OAS1: variants seen among roughly 807,000 people sequenced by gnomAD.
The protein encoded by OAS1 is 2'-5'-oligoadenylate synthase 1.
In OAS1, 24 loss-of-function variants were observed where a neutral mutation model predicts 38.5. That is an observed-to-expected ratio of 0.62 (90% CI 0.45 to 0.88). The LOEUF (loss-of-function observed/expected upper bound fraction) is 0.88. Ranked by LOEUF, OAS1 falls within the 40% of genes least tolerant of loss-of-function variation. OAS1 has a pLI of 0.00. For synonymous variants in OAS1, 169 were observed against 193.9 expected, an observed-to-expected ratio of 0.87 and a Z score of 1.07; for missense variants, 482 against 493.9, an observed-to-expected ratio of 0.98 and a Z score of 0.23.
chr12:112,915,560 C>A (rs891521302), intron 3 of OAS1, among the ~76,000 whole-genome samples: 2 of 152,108 alleles, frequency 1.3e-5, no homozygotes, highest in Non-Finnish European at 2.9e-5. Flanking sequence ...TGTAATGCCT[C>A]CAGATTTGTT....
At chr12:112,927,628 A>G (rs922995877) in intron 6 of OAS1, among the ~76,000 whole-genome samples, 5 of 152,218 alleles carry the variant, frequency 3.3e-5, no homozygotes, top group Non-Finnish European at 7.3e-5. Context: ...CAGCAGGACT[A>G]CTATGATCTT....
intron 6 of OAS1, among the ~76,000 whole-genome samples, chr12:112,926,346 A>G (rs2043557824): frequency 6.6e-6 from 1 of 152,218 alleles, no homozygotes; most frequent in Non-Finnish European, 1.5e-5. Context: ...ATGATGCTTG[A>G]ATATCATACT....
In OAS1 at chr12:112,919,876, A is replaced by G. The variant is rs1303085963; in HGVS notation, c.*323A>G. ...GGAGGGTAATGTCTAATGTATTATC[A>G]ATAACAATAAAAATAAAGCAAATAC... On this transcript the variant is annotated 3_prime_UTR_variant, in exon 6 of 6. Transcript: ENST00000202917. 2 of 778,536 alleles carry G rather than the reference A, an allele frequency of 2.6e-6. No individual in the cohort carries two copies. The highest frequency in any genetic ancestry group is 3.9e-6 in the Non-Finnish European group (2 of 510,690). The allele number at this position is 778,536 out of a possible 1,614,324, so 48.2% of individuals were successfully genotyped here.
At chr12:112,910,971 C>G (rs1456055337) in intron 2 of OAS1, 80 bp from the exon 3 acceptor site, 1 of 1,347,474 alleles carries the variant, frequency 7.4e-7, no homozygotes, top group African/African-American at 1.4e-5. Context: ...ACCCCATGGC[C>G]AGGGAGATTG....
At position 112,916,695 on chromosome 12, in the gene OAS1, C is replaced by T; in HGVS notation, c.841C>T (p.Pro281Ser). 2 of 1,614,070 alleles carry T rather than the reference C, an allele frequency of 1.2e-6. No homozygotes were observed. Residue 281 changes from proline (P) to serine (S), a missense_variant, in exon 4 of 6, where the codon CCC becomes TCC. Coordinates refer to ENST00000202917, the MANE Select transcript of OAS1 (RefSeq NM_016816.4). ...YWTKYYDFKN[P>S]IIEKYLRRQL... is the part of the protein sequence containing the mutation. ...GACAAAGTATTATGACTTTAAAAAC[C>T]CCATTATTGAAAAGTACCTGAGAAG...
rs372338270 is a variant in OAS1, at chr12:112,916,478, A to AT, written c.655-24dup. The AT allele has an allele frequency of 2.0e-4, 313 of 1,595,898 alleles. No individual in the cohort carries two copies. In the African/African-American group the frequency reaches 3.1e-3, roughly 16 times the overall value. On this transcript the variant is annotated intron_variant, in intron 3 of 5. Coordinates refer to ENST00000202917, the MANE Select transcript of OAS1 (RefSeq NM_016816.4). The stretch of plus-strand genomic sequence containing the variant: ...GTTTACACAAAAGTTGAGCAAACCA[A>AT]TTTTTTTCTGATTGTTTTTCCTCTT...
intron 2 of OAS1, chr12:112,909,032 A>T (rs2043340881): frequency 4.1e-6 from 2 of 490,806 alleles, no homozygotes; most frequent in African/African-American, 2.0e-5. Flanking sequence ...GGGGACAAAG[A>T]CATTTCTTAC....
chr12:112,926,734 A>G (rs893487262), intron 6 of OAS1, among the ~76,000 whole-genome samples: 3 of 152,194 alleles, frequency 2.0e-5, no homozygotes, highest in Non-Finnish European at 4.4e-5. Context: ...ACATCTTAAC[A>G]GTGTTCAAGA....
rs763527906 is a variant in OAS1, at chr12:112,916,753, C to T, written c.884+15C>T. The T allele has an allele frequency of 1.3e-6, 2 of 1,573,790 alleles. No individual in the cohort carries two copies. Among genetic ancestry groups the T allele is most frequent in the East Asian group, 2.2e-5 (1 of 44,722 alleles). On this transcript the variant is annotated intron_variant, in intron 4 of 5. Coordinates refer to ENST00000202917, the MANE Select transcript of OAS1 (RefSeq NM_016816.4). ...ACGAAACCCAGGTATGCTATCCCCACATGGCTTAGCTCCCCTATGTAAATG... is the reference window on the plus strand; with the variant it reads ...ACGAAACCCAGGTATGCTATCCCCATATGGCTTAGCTCCCCTATGTAAATG...
intron 3 of OAS1, among the ~76,000 whole-genome samples, chr12:112,911,928 T>C (rs576667180): frequency 2.0e-5 from 3 of 152,360 alleles, no homozygotes; most frequent in African/African-American, 7.2e-5. Context: ...AGTGATTCTG[T>C]AAGTTAGATA....
downstream of OAS1, among the ~76,000 whole-genome samples, chr12:112,920,641 A>G (rs755756919): frequency 6.6e-6 from 1 of 152,224 alleles, no homozygotes; most frequent in Non-Finnish European, 1.5e-5. Context: ...CCACATTGTC[A>G]CACTGTCCTT....
intron 4 of OAS1, 39 bp from the exon 5 acceptor site, chr12:112,917,508 C>G (rs1452338420): frequency 6.2e-7 from 1 of 1,612,160 alleles, no homozygotes; most frequent in Admixed American, 1.7e-5. Context: ...GACAGAGCCC[C>G]AGCTTCTCAC....
intron 2 of OAS1, among the ~76,000 whole-genome samples, chr12:112,910,532 G>A (rs562678473): frequency 3.3e-5 from 5 of 152,068 alleles, no homozygotes; most frequent in Non-Finnish European, 7.4e-5. Flanking sequence ...GTGAGCCTTG[G>A]GGAGATCTGG....
chr12:112,908,982 T>A, intron 2 of OAS1, 158 bp downstream of exon 2: 2 of 713,906 alleles, frequency 2.8e-6, no homozygotes, highest in Non-Finnish European at 4.4e-6. Context: ...GGTCATGATC[T>A]ATCACAGGAG....
rs766895329 is a variant in OAS1, at chr12:112,919,433, G to A, written c.1083G>A (p.Arg361=). 8.7e-6 allele frequency: 14 copies of A among 1,614,104 alleles called. No homozygotes were observed. Among genetic ancestry groups the A allele is most frequent in the Admixed American group, 8.3e-5 (5 of 60,022 alleles). The change falls in exon 6 of 6, where the codon AGG becomes AGA. Residue 361 remains arginine, a synonymous_variant. Coordinates refer to ENST00000202917, the MANE Select transcript of OAS1 (RefSeq NM_016816.4). Reference sequence around the variant, plus strand: ...ACGATGAGACCGACGATCCCAGGAGGTATCAGAAATATGGTTACATTGGAA... The same window carrying A: ...ACGATGAGACCGACGATCCCAGGAGATATCAGAAATATGGTTACATTGGAA... ...SADDETDDPR[R]YQKYGYIGTH...
chr12:112,919,910 G>A (rs1023308408), downstream of OAS1: 1 of 617,366 alleles, frequency 1.6e-6, no homozygotes, highest in East Asian at 3.0e-5. Context: ...ACCATTTATT[G>A]GGTGTTTATT....
downstream of OAS1, among the ~76,000 whole-genome samples, chr12:112,921,228 A>G (rs371964581): frequency 5.3e-5 from 8 of 152,334 alleles, no homozygotes; most frequent in East Asian, 1.5e-3. Flanking sequence ...CCTAGAAATG[A>G]TGTTTCACCA....
intron 6 of OAS1, among the ~76,000 whole-genome samples, chr12:112,930,643 G>A (rs1395042959): frequency 6.6e-6 from 1 of 152,190 alleles, no homozygotes; most frequent in African/African-American, 2.4e-5. Context: ...AAGGACTAAG[G>A]TCCCCTTTGG....
At chr12:112,928,373 T>C (rs2136333956) in intron 6 of OAS1, among the ~76,000 whole-genome samples, 1 of 152,308 alleles carries the variant, frequency 6.6e-6, no homozygotes, top group Non-Finnish European at 1.5e-5. Flanking sequence ...AGTTCTTTCT[T>C]GAGAGAAGAG....
Sources: gnomAD v4.1 joint callset for allele counts (sites outside exome capture counted in the v4.1 genomes callset) on GRCh38, gnomAD v4.1.1 for gene constraint, MANE v1.5 for transcripts, NCBI Gene and HGNC (gene_info 2026-07-23, HGNC 2026-07-21) for gene names.